DTWD2: variants seen among roughly 807,000 people sequenced by gnomAD.
DTWD2 encodes tRNA-uridine aminocarboxypropyltransferase 2.
DTWD2 carries 39 observed loss-of-function variants against 31.8 expected under a neutral mutation model. The ratio of observed to expected loss-of-function variants is 1.22; its 90% CI spans 0.95 to 1.60. The LOEUF is 1.60. Among genes scored for constraint, DTWD2 ranks in the 40% most tolerant of loss-of-function variants. The pLI is 0.00. For synonymous variants in DTWD2, 180 were observed against 142.8 expected (o/e 1.26, Z -1.86); for missense variants, 515 against 381.5 (o/e 1.35, Z -2.92).
intron 1 of DTWD2, among the ~76,000 whole-genome samples, chr5:118,945,645 A>C (rs999606212): frequency 2.0e-5 from 3 of 151,870 alleles, no homozygotes; most frequent in Non-Finnish European, 4.4e-5. Context: ...GGTGCCTATA[A>C]TCCCAGCAAC....
chr5:118,842,879 C>A (rs1406357380), intron 5 of DTWD2, among the ~76,000 whole-genome samples: 1 of 150,514 alleles, frequency 6.6e-6, no homozygotes, highest in East Asian at 2.0e-4. Flanking sequence ...CCTGGGAGGT[C>A]AAGGCGGCAG....
intron 4 of DTWD2, among the ~76,000 whole-genome samples, chr5:118,864,529 T>TAAA (rs750961429): frequency 1.5e-5 from 2 of 132,660 alleles, no homozygotes; most frequent in Admixed American, 7.6e-5. Context: ...CTTAGAGTAT[T>TAAA]AAAAAAAAAA....
intron 1 of DTWD2, among the ~76,000 whole-genome samples, chr5:118,971,490 C>T (rs1028450919): frequency 1.3e-5 from 2 of 152,206 alleles, no homozygotes; most frequent in South Asian, 2.1e-4. Context: ...AAAGCAAGTT[C>T]TTAGAGATCT....
intron 4 of DTWD2, among the ~76,000 whole-genome samples, chr5:118,894,869 A>C (rs887616003): frequency 3.9e-5 from 6 of 152,192 alleles, no homozygotes; most frequent in African/African-American, 1.4e-4. Flanking sequence ...TCAACATCAT[A>C]AGGGCCATAT....
At chr5:118,872,451 T>G (rs1752526603) in intron 4 of DTWD2, among the ~76,000 whole-genome samples, 1 of 152,206 alleles carries the variant, frequency 6.6e-6, no homozygotes, top group Non-Finnish European at 1.5e-5. Flanking sequence ...TCCTTTCACT[T>G]GAACGCTTAG....
intron 1 of DTWD2, among the ~76,000 whole-genome samples, chr5:118,972,222 T>G (rs114418424): frequency 0.026 from 3,963 of 152,178 alleles, 177 homozygotes; most frequent in African/African-American, 0.089. Context: ...AATAGACTGC[T>G]AGGTAGACTA....
At chr5:118,878,357 A>G in intron 4 of DTWD2, among the ~76,000 whole-genome samples, 1 of 152,202 alleles carries the variant, frequency 6.6e-6, no homozygotes, top group East Asian at 1.9e-4. Context: ...AAGTAAGCCC[A>G]CACACTTACA....
At chr5:118,901,837 G>A (rs968876864) in intron 4 of DTWD2, among the ~76,000 whole-genome samples, 3 of 152,024 alleles carry the variant, frequency 2.0e-5, no homozygotes, top group South Asian at 4.1e-4. Flanking sequence ...TGAACTCCCA[G>A]GCCCAAGCGA....
chr5:118,847,756 G>C (rs1374916600), intron 5 of DTWD2, among the ~76,000 whole-genome samples: 1 of 151,848 alleles, frequency 6.6e-6, no homozygotes, highest in Non-Finnish European at 1.5e-5. Flanking sequence ...CTGAGCACAA[G>C]AGAACACAAA....
At chr5:118,935,243 A>G (rs73239075) in intron 3 of DTWD2, among the ~76,000 whole-genome samples, 9,756 of 152,140 alleles carry the variant, frequency 0.064, 1,000 homozygotes, top group African/African-American at 0.22. Flanking sequence ...TCTCACCTGT[A>G]CCCTTTGTAA....
chr5:118,861,099 G>A (rs1752250154), intron 4 of DTWD2, among the ~76,000 whole-genome samples: 1 of 152,156 alleles, frequency 6.6e-6, no homozygotes, highest in Non-Finnish European at 1.5e-5. Flanking sequence ...GTTTGAAAAT[G>A]CCTTCACATA....
At chr5:118,852,095 T>C (rs970735600) in intron 4 of DTWD2, among the ~76,000 whole-genome samples, 3 of 152,168 alleles carry the variant, frequency 2.0e-5, no homozygotes, top group Non-Finnish European at 2.9e-5. Flanking sequence ...AAGAATTTAG[T>C]GATATCTCTC....
At chr5:118,977,644 C>T (rs991406231) in intron 1 of DTWD2, among the ~76,000 whole-genome samples, 1 of 152,112 alleles carries the variant, frequency 6.6e-6, no homozygotes, top group Non-Finnish European at 1.5e-5. Flanking sequence ...AGTGAAGGAC[C>T]TCTTTAAGGA....
intron 1 of DTWD2, among the ~76,000 whole-genome samples, chr5:118,980,977 T>C (rs1389118776): frequency 1.3e-5 from 2 of 152,156 alleles, no homozygotes; most frequent in African/African-American, 2.4e-5. Context: ...GAATGGATAA[T>C]AGATCAACAA....
intron 4 of DTWD2, among the ~76,000 whole-genome samples, chr5:118,864,955 C>T (rs1752350994): frequency 6.6e-6 from 1 of 152,036 alleles, no homozygotes; most frequent in Admixed American, 6.6e-5. Flanking sequence ...CTCTTAAATG[C>T]AAATAAAATC....
At chr5:118,847,374 G>A (rs1283663674) in intron 5 of DTWD2, among the ~76,000 whole-genome samples, 1 of 151,946 alleles carries the variant, frequency 6.6e-6, no homozygotes, top group African/African-American at 2.4e-5. Flanking sequence ...TTCATGAGTT[G>A]TATTTATCAA....
chr5:118,851,953 G>A (rs1436896653), intron 4 of DTWD2, among the ~76,000 whole-genome samples: 1 of 152,058 alleles, frequency 6.6e-6, no homozygotes, highest in African/African-American at 2.4e-5. Context: ...GGTACTGCAG[G>A]AGACCAGGGC....
At chr5:118,943,646 G>A (rs957317921) in intron 2 of DTWD2, among the ~76,000 whole-genome samples, 2 of 152,160 alleles carry the variant, frequency 1.3e-5, no homozygotes, top group African/African-American at 4.8e-5. Flanking sequence ...GCTGAGGCAT[G>A]AGAATTGTTT....
chr5:118,933,046 C>T (rs2149581007), intron 3 of DTWD2, among the ~76,000 whole-genome samples: 1 of 152,062 alleles, frequency 6.6e-6, no homozygotes, highest in East Asian at 1.9e-4. Context: ...AAACTCAATG[C>T]CCACAAATTT....
Sources: gnomAD v4.1 joint callset for allele counts (sites outside exome capture counted in the v4.1 genomes callset) on GRCh38, gnomAD v4.1.1 for gene constraint, MANE v1.5 for transcripts, NCBI Gene and HGNC (gene_info 2026-07-23, HGNC 2026-07-21) for gene names.